Variants in ZNF839 observed in about 807,000 individuals in gnomAD.
The protein encoded by ZNF839 is renal carcinoma antigen NY-REN-50.
ZNF839 carries 38 observed loss-of-function variants against 56.4 expected under a neutral mutation model. The ratio of observed to expected loss-of-function variants is 0.67; its 90% confidence interval spans 0.52 to 0.88. ZNF839 has a LOEUF of 0.88. Ranked by LOEUF, ZNF839 falls within the 40% of genes least tolerant of loss-of-function variation. The pLI, the probability that ZNF839 is intolerant of heterozygous loss-of-function variation, is 0.00. For synonymous variants in ZNF839, 486 were observed against 493.5 expected (o/e 0.98, Z 0.20); for missense variants, 1,091 against 1,177.6 (o/e 0.93, Z 1.08).
chr14:102,318,632 C>CA (rs200585269), upstream of ZNF839, among the ~76,000 whole-genome samples: 25,414 of 124,282 alleles, frequency 0.2, 3,062 homozygotes, highest in African/African-American at 0.36. Context: ...GATCTTGTCT[C>CA]AAAAAAAAAA....
intron 7 of ZNF839, among the ~76,000 whole-genome samples, chr14:102,340,353 C>T (rs1433316036): frequency 6.6e-6 from 1 of 151,586 alleles, no homozygotes; most frequent in East Asian, 1.9e-4. Flanking sequence ...CTCACTGCAA[C>T]CTCTGCCTCC....
chr14:102,337,938 C>A (rs527577179), intron 5 of ZNF839, among the ~76,000 whole-genome samples: 1 of 152,298 alleles, frequency 6.6e-6, no homozygotes, highest in Non-Finnish European at 1.5e-5. Context: ...AAAGCCTTTC[C>A]AGGTAGCTGT....
intron 1 of ZNF839, among the ~76,000 whole-genome samples, chr14:102,324,680 C>A (rs1044916272): frequency 6.6e-6 from 1 of 151,812 alleles, no homozygotes; most frequent in Non-Finnish European, 1.5e-5. Flanking sequence ...GAGACTCCAT[C>A]TCAAAAAAAC....
Position 102,326,965 on chromosome 14 carries a change from A to G in ZNF839, c.1191+78A>G. The stretch of plus-strand genomic sequence containing the variant: ...TATAAAGAAATACCTGAGACCAGGT[A>G]TTTTATAAAGAAAAGAGGGTTGGCT... On this transcript the variant is annotated intron_variant, in intron 2 of 7. Coordinates refer to ENST00000442396, the MANE Select transcript of ZNF839 (RefSeq NM_018335.6). The surrounding 1 kb of genome is among the most constrained non-coding windows in gnomAD (Gnocchi z 4.3). The G allele has an allele frequency of 2.1e-6, 3 of 1,410,882 alleles. No individual in the cohort carries two copies. The highest frequency in any genetic ancestry group is 2.8e-6 in the Non-Finnish European group (3 of 1,068,010). 87.4% of individuals were successfully genotyped at this position (1,410,882 alleles called of 1,614,324 possible).
chr14:102,333,338 A>G (rs1293654637), intron 3 of ZNF839, among the ~76,000 whole-genome samples: 1 of 145,474 alleles, frequency 6.9e-6, no homozygotes, highest in East Asian at 2.0e-4. Flanking sequence ...GGCTCACTGC[A>G]GCCTCCACCT....
At chr14:102,340,881 C>G (rs1422322723) in intron 7 of ZNF839, among the ~76,000 whole-genome samples, 1 of 151,888 alleles carries the variant, frequency 6.6e-6, no homozygotes, top group Non-Finnish European at 1.5e-5. Context: ...ACCAGCCTGA[C>G]CTACATGGTG....
chr14:102,321,459 A>G (rs2073124496), intron 1 of ZNF839, among the ~76,000 whole-genome samples: 1 of 152,216 alleles, frequency 6.6e-6, no homozygotes, highest in African/African-American at 2.4e-5. Flanking sequence ...AGCAAAAGCA[A>G]ACTTATTCGA....
In ZNF839 at chr14:102,320,025, C is replaced by A. The variant is rs1295370022; in HGVS notation, c.260C>A (p.Pro87Gln). The change falls in exon 1 of 8, where the codon CCG (proline) becomes CAG (glutamine). Residue 87 changes from proline to glutamine, a missense_variant. Physicochemically the swap from Pro to Gln is moderately conservative, Grantham distance 76. This residue lies in a region of ZNF839 where 614 missense variants were observed against 629.2 expected (regional missense o/e 0.98). Transcript: ENST00000442396. ...CAGCGGGGCCGGGGCACCGAGCCCC[C>A]GCGCCTGCCGCGCCTGCTCCCGCCC... is the stretch of plus-strand genomic sequence containing the variant. Reference protein sequence around the residue: ...ALQRGRGTEPPRLPRLLPPQQ... With the variant: ...ALQRGRGTEPQRLPRLLPPQQ... The A allele has an allele frequency of 8.5e-6, 10 of 1,180,062 alleles. No individual in the cohort carries two copies. In the African/African-American group the frequency reaches 1.6e-4, roughly 19 times the overall value. The allele number at this position is 1,180,062 out of a possible 1,614,324, so 73.1% of individuals were successfully genotyped here.
chr14:102,318,718 A>C (rs544708195), upstream of ZNF839, among the ~76,000 whole-genome samples: 2 of 152,284 alleles, frequency 1.3e-5, no homozygotes, highest in South Asian at 2.1e-4. Context: ...CGTGAATGCA[A>C]TGTGAGTATT....
At position 102,323,429 on chromosome 14, in the gene ZNF839, C is replaced by G. The variant is rs1481156720; in HGVS notation, c.289-2556C>G. Among the ~76,000 whole-genome samples, 6 of 152,234 alleles carry G rather than the reference C, an allele frequency of 3.9e-5. No individual in the cohort carries two copies. In the South Asian group the frequency reaches 1.2e-3, roughly 31 times the overall value. On this transcript the variant is annotated intron_variant, in intron 1 of 7. Coordinates refer to ENST00000442396, the MANE Select transcript of ZNF839 (RefSeq NM_018335.6). The stretch of plus-strand genomic sequence containing the variant: ...GGCGGGAGCCTTGTTTCTTTTGCTT[C>G]CCCGTCCTTCTCCCCTAAGCTGTAA...
upstream of ZNF839, chr14:102,319,713 A>G (rs2073011713): frequency 8.2e-7 from 1 of 1,222,638 alleles, no homozygotes; most frequent in Non-Finnish European, 1.0e-6. This position sits in a 1 kb window ranked among gnomAD's most constrained non-coding sequence, Gnocchi z 4.5. Flanking sequence ...GGTGACGTAC[A>G]TTGGAGACGC....
At position 102,335,599 on chromosome 14, in the gene ZNF839, G is replaced by A. The variant is rs538597392; in HGVS notation, c.1510-90G>A. 4.4e-5 allele frequency: 61 copies of A among 1,379,206 alleles called. No homozygotes were observed. In the East Asian group the frequency reaches 1.2e-3, roughly 26 times the overall value. 85.4% of individuals were successfully genotyped at this position (1,379,206 alleles called of 1,614,324 possible). A position where few individuals can be genotyped will look rare whatever the true frequency, so the allele number is the denominator to read the frequency against. On this transcript the variant is annotated intron_variant, in intron 4 of 7. Coordinates refer to ENST00000442396, the MANE Select transcript of ZNF839 (RefSeq NM_018335.6). ...CCACTGAGGGCTGCTGAGGGGTTAA[G>A]GAACCGAAACTTTGTTTAGATTTTC... is the stretch of plus-strand genomic sequence containing the variant.
intron 1 of ZNF839, among the ~76,000 whole-genome samples, chr14:102,322,843 G>T (rs2073205125): frequency 6.6e-6 from 1 of 152,226 alleles, no homozygotes; most frequent in African/African-American, 2.4e-5. Context: ...GCGATTACAG[G>T]TGTGACTGGC....
chr14:102,321,335 C>T (rs1199991540), intron 1 of ZNF839, among the ~76,000 whole-genome samples: 1 of 152,216 alleles, frequency 6.6e-6, no homozygotes, highest in Non-Finnish European at 1.5e-5. Context: ...TGGCTTTGCC[C>T]AAGGTCCCTC....
At chr14:102,337,292 C>T (rs1300276886) in intron 5 of ZNF839, 1 of 152,206 alleles carries the variant, frequency 6.6e-6, no homozygotes, top group Non-Finnish European at 1.5e-5. Context: ...CCTCAGCCTC[C>T]TGAGTAGCTG....
rs774715066 is a variant in ZNF839 at position 102,326,554 on chromosome 14, C to G, written c.858C>G (p.Leu286=). The G allele has an allele frequency of 5.0e-6, 8 of 1,613,870 alleles. No individual in the cohort carries two copies. In the Admixed American group the frequency reaches 1.2e-4, roughly 24 times the overall value. The change falls in exon 2 of 8, where the codon CTC becomes CTG. Residue 286 remains leucine (L), a synonymous_variant. Transcript: ENST00000442396. This position sits in a 1 kb window ranked among gnomAD's most constrained non-coding sequence, Gnocchi z 4.3. The part of the protein sequence containing the change: ...HLSDSDDYSE[L]CVEEDEDQRE... The stretch of plus-strand genomic sequence containing the variant: ...CAGATTCTGATGATTACTCAGAACT[C>G]TGTGTGGAAGAAGATGAAGATCAGA...
intron 4 of ZNF839, chr14:102,334,979 A>G (rs1324570601): frequency 1.3e-5 from 2 of 158,282 alleles, no homozygotes; most frequent in East Asian, 3.7e-4. Flanking sequence ...GCTGGTCTCA[A>G]ACTCCTGGCC....
chr14:102,326,801 T>A lies in ZNF839; in HGVS notation c.1105T>A (p.Ser369Thr), dbSNP rs758661758. Reference sequence around the variant, plus strand: ...GGAGGAAAGGACGCTCAGCCTGACCTCCCTGGGGCTGTCCATGCCAGCGGA... The same window carrying A: ...GGAGGAAAGGACGCTCAGCCTGACCACCCTGGGGCTGTCCATGCCAGCGGA... ...CTEERTLSLT[S>T]LGLSMPADPC... is the part of the protein sequence containing the mutation. The change falls in exon 2 of 8, where the codon TCC becomes ACC. Residue 369 changes from serine to threonine, a missense_variant. Physicochemically the swap from Ser to Thr is moderately conservative, Grantham distance 58 (BLOSUM62 1). Transcript: ENST00000442396. The surrounding 1 kb of genome is among the most constrained non-coding windows in gnomAD (Gnocchi z 4.3). 1.9e-6 allele frequency: 3 copies of A among 1,611,876 alleles called. No homozygotes were observed. The South Asian group carries it at 3.3e-5, about 18-fold the overall frequency.
At chr14:102,328,969 T>G (rs2073624003) in intron 2 of ZNF839, among the ~76,000 whole-genome samples, 1 of 149,326 alleles carries the variant, frequency 6.7e-6, no homozygotes, top group South Asian at 2.2e-4. Flanking sequence ...GACCCTGCTT[T>G]CTTCTTTTTT....
Sources: allele counts gnomAD v4.1 joint callset (sites outside exome capture counted in the v4.1 genomes callset), GRCh38; gene constraint gnomAD v4.1.1; regional missense constraint gnomAD v4.1.1; non-coding constraint Gnocchi (gnomAD v3.1); transcripts MANE v1.5; gene names NCBI Gene and HGNC (gene_info 2026-07-23, HGNC 2026-07-21).